PLA2R1: variants seen among roughly 807,000 people sequenced by gnomAD.
PLA2R1 encodes secretory phospholipase A2 receptor.
Under a neutral mutation model 195.9 loss-of-function variants are expected in PLA2R1, and 158 were observed. That is an observed-to-expected ratio of 0.81 (90% CI 0.71 to 0.92). The LOEUF is 0.92. Ranked by LOEUF, PLA2R1 falls within the 40% of genes least tolerant of loss-of-function variation. The pLI is 0.00. For missense variants in PLA2R1, 1,626 were observed against 1,764.6 expected (o/e 0.92, Z 1.41); for synonymous variants, 586 against 598.2 (o/e 0.98, Z 0.30).
chr2:159,951,901 T>C (rs1687768365), intron 23 of PLA2R1, among the ~76,000 whole-genome samples: 1 of 152,220 alleles, frequency 6.6e-6, no homozygotes, highest in Non-Finnish European at 1.5e-5. Flanking sequence ...TGGGTTTCAC[T>C]CCACTAACTA....
chr2:159,943,343 T>C (rs1383304728), intron 28 of PLA2R1, among the ~76,000 whole-genome samples: 2 of 152,206 alleles, frequency 1.3e-5, no homozygotes, highest in African/African-American at 2.4e-5. Flanking sequence ...TGTATTATTG[T>C]GTTTTTATGA....
intron 11 of PLA2R1, among the ~76,000 whole-genome samples, chr2:159,997,812 AG>A (rs1407776773): frequency 1.3e-5 from 2 of 152,078 alleles, no homozygotes; most frequent in African/African-American, 2.4e-5. Context: ...GATGGATCTA[AG>A]AAGAGTTGTT....
At chr2:159,971,934 C>T (rs927046761) in intron 17 of PLA2R1, among the ~76,000 whole-genome samples, 3 of 152,076 alleles carry the variant, frequency 2.0e-5, no homozygotes, top group South Asian at 2.1e-4. Flanking sequence ...GGTGTTGTTT[C>T]GTGGACATGT....
chr2:160,042,691 A>G (rs1270682993), intron 2 of PLA2R1, among the ~76,000 whole-genome samples: 1 of 152,144 alleles, frequency 6.6e-6, no homozygotes, highest in African/African-American at 2.4e-5. Context: ...TCTATCAAGG[A>G]GAGAGAAAGA....
At chr2:160,032,833 G>A (rs1253270447) in intron 4 of PLA2R1, 126 bp downstream of exon 4, 2 of 775,024 alleles carry the variant, frequency 2.6e-6, no homozygotes, top group Non-Finnish European at 4.1e-6. Context: ...AGAGTTTTGG[G>A]CCATATTATG....
At chr2:159,951,951 C>T (rs913746140) in intron 23 of PLA2R1, among the ~76,000 whole-genome samples, 1 of 152,136 alleles carries the variant, frequency 6.6e-6, no homozygotes, top group Non-Finnish European at 1.5e-5. Context: ...GAACTTAATG[C>T]TTATTAATAG....
intron 3 of PLA2R1, among the ~76,000 whole-genome samples, chr2:160,041,776 A>G (rs1694534801): frequency 6.6e-6 from 1 of 152,252 alleles, no homozygotes; most frequent in South Asian, 2.1e-4. Flanking sequence ...TGGTTAAAAC[A>G]TCATTATGCA....
intron 14 of PLA2R1, among the ~76,000 whole-genome samples, chr2:159,979,303 C>T (rs1689786409): frequency 6.6e-6 from 1 of 152,068 alleles, no homozygotes; most frequent in Non-Finnish European, 1.5e-5. Context: ...TAGAGGTTTG[C>T]AAGTATGGGA....
intron 11 of PLA2R1, among the ~76,000 whole-genome samples, chr2:159,991,730 T>C (rs936574890): frequency 1.4e-4 from 20 of 143,850 alleles, no homozygotes; most frequent in Admixed American, 2.1e-4. Flanking sequence ...TTTTTGTTCT[T>C]GCGATAGTTT....
chr2:160,007,201 T>C (rs1477630983), intron 10 of PLA2R1, among the ~76,000 whole-genome samples: 1 of 152,222 alleles, frequency 6.6e-6, no homozygotes. Flanking sequence ...CTGTTGTAAT[T>C]TTCCTTACAC....
chr2:160,033,175 C>CAGCAACA, intron 3 of PLA2R1, 43 bp from the exon 4 acceptor site: 1 of 1,465,150 alleles, frequency 6.8e-7, no homozygotes. Flanking sequence ...CTTATTTTAT[C>CAGCAACA]TATACAGCAA....
chr2:159,954,837 AAT>A (rs1190540491), intron 23 of PLA2R1, among the ~76,000 whole-genome samples: 1 of 152,164 alleles, frequency 6.6e-6, no homozygotes, highest in Non-Finnish European at 1.5e-5. Context: ...AAAAGGAGCA[AAT>A]ATGAGTTGGT....
At chr2:159,986,505 A>G (rs1690347325) in intron 12 of PLA2R1, among the ~76,000 whole-genome samples, 1 of 152,098 alleles carries the variant, frequency 6.6e-6, no homozygotes, top group African/African-American at 2.4e-5. Flanking sequence ...TTAGGTGTTT[A>G]GAGTCCTCCC....
rs758111136 is a variant in PLA2R1, at chr2:160,005,832, GA to G, written c.1665-12del. The G allele has an allele frequency of 1.3e-6, 2 of 1,586,264 alleles. No individual in the cohort carries two copies. The highest frequency in any genetic ancestry group is 1.4e-5 in the African/African-American group (1 of 73,904). On this transcript the variant is annotated splice_polypyrimidine_tract_variant and intron_variant, in intron 10 of 29. Transcript: ENST00000283243. ...AAAGCCTGTTCAAACCTTAAAAGGG[GA>G]AAAAAGAAGTGGTTACATTAAGTTT...
chr2:160,023,289 A>G (rs1437352547), intron 6 of PLA2R1, among the ~76,000 whole-genome samples: 1 of 149,422 alleles, frequency 6.7e-6, no homozygotes, highest in Non-Finnish European at 1.5e-5. Flanking sequence ...AGTCTCATCA[A>G]GAAAGCTTGC....
chr2:160,011,699 A>G (rs900773912), intron 10 of PLA2R1, among the ~76,000 whole-genome samples: 11 of 152,226 alleles, frequency 7.2e-5, no homozygotes, highest in Admixed American at 6.5e-4. Flanking sequence ...CCTCCTGTGA[A>G]GTCCAGTGTT....
At chr2:160,003,163 G>GA (rs558014114) in intron 11 of PLA2R1, among the ~76,000 whole-genome samples, 115 of 151,968 alleles carry the variant, frequency 7.6e-4, no homozygotes, top group African/African-American at 2.6e-3. Flanking sequence ...AAATTAAAAT[G>GA]AGCTATCTCC....
intron 7 of PLA2R1, among the ~76,000 whole-genome samples, chr2:160,021,275 G>C (rs1287941843): frequency 6.6e-6 from 1 of 152,022 alleles, no homozygotes; most frequent in Non-Finnish European, 1.5e-5. Context: ...CCACTACTGG[G>C]TATATACCCA....
intron 20 of PLA2R1, among the ~76,000 whole-genome samples, chr2:159,964,374 T>C (rs765873884): frequency 2.0e-5 from 3 of 152,180 alleles, no homozygotes; most frequent in Non-Finnish European, 4.4e-5. Context: ...ATGGTTAAAA[T>C]GGCAAATGTT....
Sources: allele counts gnomAD v4.1 joint callset (sites outside exome capture counted in the v4.1 genomes callset), GRCh38; gene constraint gnomAD v4.1.1; transcripts MANE v1.5; gene names NCBI Gene and HGNC (gene_info 2026-07-23, HGNC 2026-07-21).